The following NXPH1 variants were observed in gnomAD, a reference collection of about 807,000 sequenced individuals.
NXPH1 encodes neurexophilin-1.
In NXPH1, 5 loss-of-function variants were observed where a neutral mutation model predicts 23.7. The ratio of observed to expected loss-of-function variants is 0.21; its 90% confidence interval spans 0.11 to 0.44. NXPH1 has a LOEUF of 0.44. Among genes scored for constraint, NXPH1 ranks in the 20% least tolerant of loss-of-function variants. The pLI, the probability that NXPH1 is intolerant of heterozygous loss-of-function variation, is 0.99. For missense variants in NXPH1, 324 were observed against 321.6 expected (o/e 1.01, Z -0.06); for synonymous variants, 144 against 122.2 (o/e 1.18, Z -1.18).
In NXPH1 at chr7:8,590,516, C is replaced by T. The variant is rs79434323; in HGVS notation, c.54+154749C>T. Among the ~76,000 whole-genome samples, 1,231 of 152,194 alleles carry T rather than the reference C, an allele frequency of 8.1e-3. 79 individuals are homozygous for T. The East Asian group carries it at 0.14, about 17-fold the overall frequency. The stretch of plus-strand genomic sequence containing the variant: ...GTCAGGTCTTTTTACATAATAGCGA[C>T]AACACCTGCCTTACCGCAAGAATGT... On this transcript the variant is annotated intron_variant, in intron 2 of 2. Transcript: ENST00000405863.
intron 2 of NXPH1, among the ~76,000 whole-genome samples, chr7:8,728,854 A>C (rs1336153765): frequency 1.3e-5 from 2 of 152,166 alleles, no homozygotes; most frequent in Non-Finnish European, 2.9e-5. Context: ...CTGGCCTCAT[A>C]AAATGAGTTA....
intron 2 of NXPH1, among the ~76,000 whole-genome samples, chr7:8,534,965 T>C (rs1008070931): frequency 3.3e-5 from 5 of 152,018 alleles, no homozygotes; most frequent in African/African-American, 1.2e-4. Context: ...AATAAGCAAA[T>C]AGACAAAAAG....
At chr7:8,517,168 T>A (rs1420966801) in intron 2 of NXPH1, among the ~76,000 whole-genome samples, 1 of 152,064 alleles carries the variant, frequency 6.6e-6, no homozygotes, top group Non-Finnish European at 1.5e-5. Context: ...TGCATAGTAG[T>A]GACTCAGCAG....
At chr7:8,581,843 G>A (rs1466174173) in intron 2 of NXPH1, among the ~76,000 whole-genome samples, 1 of 152,186 alleles carries the variant, frequency 6.6e-6, no homozygotes. Context: ...TTTAAACAAA[G>A]TAATAGTGTC....
chr7:8,735,396 A>G (rs879173185), intron 2 of NXPH1, among the ~76,000 whole-genome samples: 3 of 152,154 alleles, frequency 2.0e-5, no homozygotes, highest in African/African-American at 4.8e-5. Context: ...TGAGATAATC[A>G]TGTGGTTTTT....
intron 2 of NXPH1, among the ~76,000 whole-genome samples, chr7:8,698,512 C>G (rs1020657429): frequency 6.6e-6 from 1 of 152,200 alleles, no homozygotes; most frequent in South Asian, 2.1e-4. Context: ...ATTGATTGCT[C>G]TATGTATAGG....
intron 2 of NXPH1, among the ~76,000 whole-genome samples, chr7:8,680,685 T>G (rs990880505): frequency 6.6e-6 from 1 of 152,216 alleles, no homozygotes; most frequent in Non-Finnish European, 1.5e-5. Flanking sequence ...TGTAGAATTA[T>G]TATGCAATGA....
intron 2 of NXPH1, among the ~76,000 whole-genome samples, chr7:8,669,183 G>A (rs946669455): frequency 1.3e-5 from 2 of 152,174 alleles, no homozygotes; most frequent in Non-Finnish European, 2.9e-5. Flanking sequence ...GTGTGCTGGG[G>A]CCAGCCCAAG....
At chr7:8,615,038 A>G (rs1455379027) in intron 2 of NXPH1, among the ~76,000 whole-genome samples, 1 of 152,042 alleles carries the variant, frequency 6.6e-6, no homozygotes, top group African/African-American at 2.4e-5. Context: ...CTGATTTCTA[A>G]TTCTCATCTC....
At chr7:8,650,591 CT>C (rs1355338101) in intron 2 of NXPH1, among the ~76,000 whole-genome samples, 6 of 152,122 alleles carry the variant, frequency 3.9e-5, no homozygotes, top group Non-Finnish European at 5.9e-5. Context: ...CAGCTTTCTC[CT>C]TTTTGTTTTT....
intron 2 of NXPH1, among the ~76,000 whole-genome samples, chr7:8,493,788 A>C (rs1287914660): frequency 6.6e-6 from 1 of 151,964 alleles, no homozygotes; most frequent in Non-Finnish European, 1.5e-5. Context: ...GGAAGAAACC[A>C]CTTCTAGTCA....
At chr7:8,668,272 T>G (rs199986797) in intron 2 of NXPH1, among the ~76,000 whole-genome samples, 9,875 of 147,344 alleles carry the variant, frequency 0.067, 892 homozygotes, top group East Asian at 0.26. Flanking sequence ...TTTTTTTTAT[T>G]TTGTTGTTGT....
chr7:8,503,694 TTC>T (rs1817475266), intron 2 of NXPH1, among the ~76,000 whole-genome samples: 1 of 151,932 alleles, frequency 6.6e-6, no homozygotes, highest in East Asian at 1.9e-4. Context: ...TCTGTAACAT[TTC>T]TCTGTTTTCT....
chr7:8,635,159 G>A (rs2115137688), intron 2 of NXPH1, among the ~76,000 whole-genome samples: 1 of 152,176 alleles, frequency 6.6e-6, no homozygotes, highest in East Asian at 1.9e-4. Flanking sequence ...ATTTGCAAGT[G>A]GAAAAAAATG....
At chr7:8,621,005 A>G (rs1819856514) in intron 2 of NXPH1, among the ~76,000 whole-genome samples, 1 of 152,232 alleles carries the variant, frequency 6.6e-6, no homozygotes, top group Non-Finnish European at 1.5e-5. Context: ...ATATTAATTC[A>G]TCAAATAATT....
chr7:8,666,015 G>A (rs1439089941), intron 2 of NXPH1, among the ~76,000 whole-genome samples: 2 of 133,382 alleles, frequency 1.5e-5, no homozygotes, highest in Non-Finnish European at 3.2e-5. Context: ...TTTCCAATTT[G>A]GAGACCTTCT....
Position 8,604,540 on chromosome 7 carries a change from T to C in NXPH1, c.55-146468T>C, listed in dbSNP as rs140745882. ...CACATTTTTGGTTAAAATTGACTTA[T>C]GCAAGAGGGGCTTTGAAGTGAACAA... On this transcript the variant is annotated intron_variant, in intron 2 of 2. Transcript: ENST00000405863. 4.0e-3 allele frequency among the ~76,000 whole-genome samples: 607 copies of C among 152,260 alleles called. 3 individuals carry two copies. Among genetic ancestry groups the C allele is most frequent in the African/African-American group, 0.013 (561 of 41,572 alleles).
intron 2 of NXPH1, among the ~76,000 whole-genome samples, chr7:8,570,544 G>A (rs901638435): frequency 6.6e-6 from 1 of 152,048 alleles, no homozygotes; most frequent in African/African-American, 2.4e-5. Flanking sequence ...GCACCCAATT[G>A]TGGGAAGTGC....
chr7:8,469,018 T>G (rs1020853652), intron 2 of NXPH1, among the ~76,000 whole-genome samples: 3 of 152,052 alleles, frequency 2.0e-5, no homozygotes, highest in African/African-American at 7.2e-5. Flanking sequence ...ATGCTCATGT[T>G]GAAATTCTTA....
Sources: gnomAD v4.1 joint callset for allele counts (sites outside exome capture counted in the v4.1 genomes callset) on GRCh38, gnomAD v4.1.1 for gene constraint, MANE v1.5 for transcripts, NCBI Gene and HGNC (gene_info 2026-07-23, HGNC 2026-07-21) for gene names.